HDAC5: variants seen among roughly 807,000 people sequenced by gnomAD.
The protein encoded by HDAC5 is antigen NY-CO-9.
Under a neutral mutation model 133.3 loss-of-function variants are expected in HDAC5, and 25 were observed. That is an observed-to-expected ratio of 0.19 (90% CI 0.14 to 0.26). The LOEUF is 0.26. HDAC5 is among the 10% of genes least tolerant of loss of function. HDAC5 has a pLI of 1.00. For synonymous variants in HDAC5, 589 were observed against 610.8 expected (o/e 0.96, Z 0.53); for missense variants, 1,041 against 1,460.5 (o/e 0.71, Z 4.68).
rs1454642693 is a variant in HDAC5 at position 44,083,668 on chromosome 17, G to C, written c.2356-16C>G. ...CACTGTCCACCTGCAGGGCAGGAGAGCAGGTTTCAGTGTGCCCCCTGCAGG... is the reference window on the plus strand; with the variant it reads ...CACTGTCCACCTGCAGGGCAGGAGACCAGGTTTCAGTGTGCCCCCTGCAGG... On this transcript the variant is annotated splice_polypyrimidine_tract_variant and intron_variant, in intron 17 of 26. Coordinates refer to ENST00000682912, the MANE Select transcript of HDAC5 (RefSeq NM_005474.5). 1 of 1,607,452 alleles carries C rather than the reference G, an allele frequency of 6.2e-7. No homozygotes were observed.
intron 3 of HDAC5, among the ~76,000 whole-genome samples, chr17:44,105,126 C>T (rs911421170): frequency 6.6e-6 from 1 of 152,140 alleles, no homozygotes; most frequent in Admixed American, 6.5e-5. Flanking sequence ...CATTAAGGCC[C>T]GGTCTCAAAC....
rs2051049258 is a variant in HDAC5 at position 44,093,217 on chromosome 17, G to A, written c.527-11C>T. 12 of 1,602,922 alleles carry A rather than the reference G, an allele frequency of 7.5e-6. No homozygotes were observed. The highest frequency in any genetic ancestry group is 1.0e-5 in the Non-Finnish European group (12 of 1,172,800). ...TGCTGGCAATGGCACCTGCAGGACA[G>A]GGCACAACTGACCTGGCTGCTTGGG... On this transcript the variant is annotated splice_polypyrimidine_tract_variant and intron_variant, in intron 5 of 26. Transcript: ENST00000682912.
chr17:44,107,772 C>T (rs544074675), intron 3 of HDAC5, among the ~76,000 whole-genome samples: 3 of 152,202 alleles, frequency 2.0e-5, no homozygotes, highest in East Asian at 1.9e-4. Flanking sequence ...AGCACGAACA[C>T]GAATATCCAG....
intron 3 of HDAC5, among the ~76,000 whole-genome samples, chr17:44,098,888 G>A (rs1031305678): frequency 3.3e-5 from 5 of 151,574 alleles, no homozygotes; most frequent in Admixed American, 1.3e-4. Flanking sequence ...AGTCCGAGGC[G>A]GGAGGATCAC....
intron 2 of HDAC5, chr17:44,111,408 G>A: frequency 2.7e-6 from 1 of 375,042 alleles, no homozygotes; most frequent in Non-Finnish European, 5.3e-6. Context: ...ACAGGGGAGG[G>A]CCTGCACTCA....
intron 21 of HDAC5, 104 bp from the exon 22 acceptor site, chr17:44,080,602 T>TGA (rs2050345894): frequency 2.0e-6 from 3 of 1,477,652 alleles, no homozygotes; most frequent in Admixed American, 3.4e-5. Flanking sequence ...TGACCTCTGC[T>TGA]CTGCCTGGAG....
chr17:44,093,941 C>T, intron 3 of HDAC5, 107 bp from the exon 4 acceptor site: 1 of 1,345,338 alleles, frequency 7.4e-7, no homozygotes. Context: ...CCAAAGAGAA[C>T]AGAGACAGAG....
intron 1 of HDAC5, among the ~76,000 whole-genome samples, chr17:44,119,231 G>A (rs529498737): frequency 6.6e-6 from 1 of 152,374 alleles, no homozygotes; most frequent in South Asian, 2.1e-4. Flanking sequence ...CACGTGGGCA[G>A]GCAGTTCAGC....
intron 3 of HDAC5, among the ~76,000 whole-genome samples, chr17:44,101,599 A>G (rs2051613469): frequency 6.6e-6 from 1 of 152,106 alleles, no homozygotes; most frequent in Non-Finnish European, 1.5e-5. Flanking sequence ...TGCCTTCACA[A>G]GAGGAGAAAG....
intron 20 of HDAC5, 144 bp downstream of exon 20, chr17:44,082,441 C>T: frequency 1.6e-6 from 1 of 644,254 alleles, no homozygotes; most frequent in South Asian, 1.9e-5. Context: ...CCCCAGCGCC[C>T]TTCCTTCTGC....
Position 44,093,802 on chromosome 17 carries a change from G to T in HDAC5, c.127C>A (p.Pro43Thr). The change falls in exon 4 of 27, where the codon CCC becomes ACC. Residue 43 changes from proline (P) to threonine (T), a missense_variant. Transcript: ENST00000682912. ...CCACCCCCACCCCCCATGGAACTGG[G>T]CATGGCTCTTGGCAGCACCGGCTTC... Reference protein sequence around the residue: ...EVKPVLPRAMPSSMGGGGGGS... With the variant: ...EVKPVLPRAMTSSMGGGGGGS... 6.5e-7 allele frequency: 1 copy of T among 1,544,670 alleles called. No individual in the cohort carries two copies. Among genetic ancestry groups the T allele is most frequent in the Admixed American group, 2.0e-5 (1 of 49,296 alleles).
intron 1 of HDAC5, among the ~76,000 whole-genome samples, chr17:44,122,246 G>C (rs2053056579): frequency 6.6e-6 from 1 of 152,064 alleles, no homozygotes; most frequent in African/African-American, 2.4e-5. Context: ...ATGCCTGCCT[G>C]CCTACATCCT....
intron 16 of HDAC5, 133 bp from the exon 17 acceptor site, chr17:44,083,987 G>A: frequency 1.4e-6 from 1 of 709,722 alleles, no homozygotes; most frequent in East Asian, 2.7e-5. Flanking sequence ...AGCTGGGCGT[G>A]GTGGCACACA....
intron 4 of HDAC5, 36 bp from the exon 5 acceptor site, chr17:44,093,521 A>G (rs756969999): frequency 2.5e-6 from 4 of 1,599,156 alleles, no homozygotes; most frequent in Non-Finnish European, 8.5e-7. Flanking sequence ...CAAGTGAGCC[A>G]GGCCCGGGCG....
intron 3 of HDAC5, among the ~76,000 whole-genome samples, chr17:44,106,395 G>C (rs2051945631): frequency 6.6e-6 from 1 of 152,160 alleles, no homozygotes; most frequent in Non-Finnish European, 1.5e-5. Flanking sequence ...TGTGCTCTAG[G>C]AGCACAAACT....
chr17:44,091,344 G>A lies in HDAC5; in HGVS notation c.1313C>T (p.Pro438Leu). The A allele has an allele frequency of 1.2e-6, 2 of 1,607,318 alleles. No homozygotes were observed. Among genetic ancestry groups the A allele is most frequent in the African/African-American group, 1.3e-5 (1 of 74,966 alleles). Reference protein sequence around the residue: ...LGVALEGDGSPHGHASLLQHV... With the variant: ...LGVALEGDGSLHGHASLLQHV... ...CTGCAGCAGGGAGGCATGCCCGTGG[G>A]GGCTCCCGTCGCCCTCCAGTGCCAC... Residue 438 changes from proline to leucine, a missense_variant, in exon 11 of 27, where the codon CCC (proline) becomes CTC (leucine). By Grantham distance (98) the Pro-to-Leu change is moderately conservative. Transcript: ENST00000682912.
chr17:44,082,540 C>G (rs1490393617), intron 20 of HDAC5, 45 bp downstream of exon 20: 2 of 1,477,682 alleles, frequency 1.4e-6, no homozygotes, highest in South Asian at 1.1e-5. Flanking sequence ...GACCCTGGTC[C>G]TAGCTCTACC....
chr17:44,121,940 T>C (rs2053031260), intron 1 of HDAC5, among the ~76,000 whole-genome samples: 1 of 152,070 alleles, frequency 6.6e-6, no homozygotes, highest in South Asian at 2.1e-4. Flanking sequence ...TGGGGGCCCA[T>C]TTCTCTAACT....
At chr17:44,080,695 CG>C in intron 21 of HDAC5, 67 bp downstream of exon 21, 1 of 1,608,628 alleles carries the variant, frequency 6.2e-7, no homozygotes. Flanking sequence ...CGTGGCTCCC[CG>C]CCAGGTCCCA....
Sources: allele counts gnomAD v4.1 joint callset (sites outside exome capture counted in the v4.1 genomes callset), GRCh38; gene constraint gnomAD v4.1.1; transcripts MANE v1.5; gene names NCBI Gene and HGNC (gene_info 2026-07-23, HGNC 2026-07-21).